The following ERCC8 variants were observed in gnomAD, a reference collection of about 807,000 sequenced individuals.
ERCC8 encodes the protein DNA excision repair protein ERCC-8.
A neutral mutation model predicts 54.9 loss-of-function variants in ERCC8; 52 were observed. The ratio of observed to expected loss-of-function variants is 0.95; its 90% confidence interval spans 0.76 to 1.19. ERCC8 has a LOEUF of 1.19. Ranked by LOEUF, ERCC8 falls within the 50% of genes most tolerant of loss-of-function variation. The probability of loss-of-function intolerance (pLI) is 0.00; values close to 1 mark genes in which losing one functional copy is unlikely to be tolerated. For synonymous variants in ERCC8, 146 were observed against 157.2 expected (o/e 0.93, Z 0.53); for missense variants, 514 against 466.1 (o/e 1.10, Z -0.95).
At chr5:60,906,686 G>C (rs1749082435) in intron 4 of ERCC8, among the ~76,000 whole-genome samples, 1 of 151,828 alleles carries the variant, frequency 6.6e-6, no homozygotes, top group South Asian at 2.1e-4. Flanking sequence ...CTAAGATCAC[G>C]CCACTACACT....
rs369216928 is a variant in ERCC8 at position 60,883,998 on chromosome 5, C to T, written c.1122+3442G>A. 4.6e-5 allele frequency among the ~76,000 whole-genome samples: 7 copies of T among 152,274 alleles called. No individual in the cohort carries two copies. The South Asian group carries it at 1.5e-3, about 32-fold the overall frequency. On this transcript the variant is annotated intron_variant, in intron 11 of 11. Coordinates refer to ENST00000676185, the MANE Select transcript of ERCC8 (RefSeq NM_000082.4). ...CTTCTACTTTGGATATCAGGAGAAA[C>T]ACCCCTAAGGGATTACATCTTGATT...
intron 2 of ERCC8, among the ~76,000 whole-genome samples, chr5:60,922,932 A>T (rs1749641688): frequency 6.6e-6 from 1 of 152,134 alleles, no homozygotes; most frequent in Non-Finnish European, 1.5e-5. Flanking sequence ...AGTTTCCCTG[A>T]TTGCAATATT....
intron 11 of ERCC8, among the ~76,000 whole-genome samples, chr5:60,882,994 CACACACACACAT>C (rs1486882083): frequency 6.6e-6 from 1 of 151,516 alleles, no homozygotes; most frequent in African/African-American, 2.4e-5. Flanking sequence ...CACACACACA[CACACACACACAT>C]GTCTGTAGGT....
intron 11 of ERCC8, among the ~76,000 whole-genome samples, chr5:60,880,828 G>T (rs994694804): frequency 6.6e-6 from 1 of 152,078 alleles, no homozygotes; most frequent in Admixed American, 6.5e-5. Flanking sequence ...CTTTAGCCCG[G>T]AGTAGTTTGA....
rs1338512096 is a variant in ERCC8 at position 60,874,511 on chromosome 5, C to T, written c.*104G>A. On this transcript the variant is annotated 3_prime_UTR_variant, in exon 12 of 12. Transcript: ENST00000676185. ...AAAACATGAGGAAAAATATTACCCACATTTAGGGCTAATTTAGCTGTCAGG... is the reference window on the plus strand; with the variant it reads ...AAAACATGAGGAAAAATATTACCCATATTTAGGGCTAATTTAGCTGTCAGG... 3 of 954,996 alleles carry T rather than the reference C, an allele frequency of 3.1e-6. No individual in the cohort carries two copies. Among genetic ancestry groups the T allele is most frequent in the Non-Finnish European group, 4.9e-6 (3 of 615,458 alleles). 59.2% of individuals were successfully genotyped at this position (954,996 alleles called of 1,614,324 possible).
At chr5:60,895,910 A>G (rs1216256895) in intron 9 of ERCC8, among the ~76,000 whole-genome samples, 1 of 152,358 alleles carries the variant, frequency 6.6e-6, no homozygotes, top group East Asian at 1.9e-4. Context: ...GAACCAGGGC[A>G]TTAACTTTTG....
At chr5:60,893,956 G>A (rs1182212474) in intron 9 of ERCC8, among the ~76,000 whole-genome samples, 1 of 149,264 alleles carries the variant, frequency 6.7e-6, no homozygotes, top group African/African-American at 2.5e-5. Context: ...CTTACCCCTT[G>A]ACCTGGTAAT....
At chr5:60,919,485 C>A (rs1464623776) in intron 3 of ERCC8, 1 of 151,942 alleles carries the variant, frequency 6.6e-6, no homozygotes, top group Non-Finnish European at 1.5e-5. Context: ...GTGGTGCTAT[C>A]TGAAGGAATG....
In ERCC8 at chr5:60,866,920, C is replaced by A. The variant is rs1261795250; in HGVS notation, c.*7695G>T. ...AGTGCAGTGGCGCAATCTCGGCTTACTGCAAGCGCTGCCTCCGGGGTTCAC... is the reference window on the plus strand; with the variant it reads ...AGTGCAGTGGCGCAATCTCGGCTTAATGCAAGCGCTGCCTCCGGGGTTCAC... On this transcript the variant is annotated 3_prime_UTR_variant, in exon 12 of 12. Transcript: ENST00000676185. 2 of 152,130 alleles carry A rather than the reference C, an allele frequency of 1.3e-5. No homozygotes were observed. The highest frequency in any genetic ancestry group is 4.8e-5 in the African/African-American group (2 of 41,424). 9.4% of individuals were successfully genotyped at this position (152,130 alleles called of 1,614,324 possible).
intron 11 of ERCC8, 75 bp downstream of exon 11, chr5:60,887,365 C>T: frequency 8.0e-7 from 1 of 1,248,588 alleles, no homozygotes; most frequent in Non-Finnish European, 1.2e-6. Context: ...TTAAAAGTCT[C>T]TCTCACATAA....
intron 2 of ERCC8, among the ~76,000 whole-genome samples, chr5:60,926,514 A>T (rs1038516719): frequency 6.6e-6 from 1 of 152,232 alleles, no homozygotes; most frequent in Non-Finnish European, 1.5e-5. Flanking sequence ...TAGTTATTTG[A>T]AGGCTCAAAA....
At chr5:60,904,575 AAATATCTGTTGAATATAAATAGTAC>A (rs1340597846) in intron 5 of ERCC8, among the ~76,000 whole-genome samples, 192 bp downstream of exon 5, 3 of 145,238 alleles carry the variant, frequency 2.1e-5, no homozygotes, top group African/African-American at 7.6e-5. Context: ...TTGCCTTGCA[AAATATCTGTTGAATATAAATAGTAC>A]AATATCTGTT....
chr5:60,876,599 G>A lies in ERCC8; in HGVS notation c.1123-1916C>T, dbSNP rs532053883. On this transcript the variant is annotated intron_variant, in intron 11 of 11. Transcript: ENST00000676185. ...AACTGGTGTGAGATGGTATCTCATT[G>A]TGGTTTTGATTTGCATTTCTCTGAT... Among the ~76,000 whole-genome samples the A allele has an allele frequency of 1.5e-3, 236 of 152,310 alleles. 1 individual carries two copies. The highest frequency in any genetic ancestry group is 5.5e-3 in the African/African-American group (229 of 41,570).
intron 9 of ERCC8, chr5:60,892,641 T>C (rs1748598661): frequency 3.0e-6 from 2 of 658,550 alleles, no homozygotes; most frequent in Non-Finnish European, 5.6e-6. Context: ...CTCCTCCAGG[T>C]TGCAGCACTG....
At chr5:60,893,815 T>A in intron 9 of ERCC8, among the ~76,000 whole-genome samples, 1 of 152,268 alleles carries the variant, frequency 6.6e-6, no homozygotes, top group East Asian at 1.9e-4. Flanking sequence ...ATATAAAATT[T>A]ACCATCATAA....
chr5:60,931,391 C>G (rs1749905462), intron 1 of ERCC8, among the ~76,000 whole-genome samples: 1 of 152,140 alleles, frequency 6.6e-6, no homozygotes, highest in African/African-American at 2.4e-5. Flanking sequence ...ACTATAGCCT[C>G]AAACTCCTGG....
Position 60,945,055 on chromosome 5 carries a change from G to A in ERCC8, c.-47C>T. 1 of 1,544,954 alleles carries A rather than the reference G, an allele frequency of 6.5e-7. No homozygotes were observed. The highest frequency in any genetic ancestry group is 9.0e-7 in the Non-Finnish European group (1 of 1,116,988). ...GAGCACTGGACGTCGCCATGACAGA[G>A]CTCAGGGGCGGGACTGGAACAGCAG... is the stretch of plus-strand genomic sequence containing the variant. On this transcript the variant is annotated 5_prime_UTR_variant, in exon 1 of 12. Coordinates refer to ENST00000676185, the MANE Select transcript of ERCC8 (RefSeq NM_000082.4).
chr5:60,908,610 A>C (rs1296175147), intron 4 of ERCC8, among the ~76,000 whole-genome samples: 2 of 149,118 alleles, frequency 1.3e-5, no homozygotes, highest in Non-Finnish European at 3.0e-5. Context: ...TGGCTTTGTC[A>C]AGATACAATT....
intron 2 of ERCC8, among the ~76,000 whole-genome samples, chr5:60,927,363 G>T (rs976551282): frequency 3.3e-5 from 5 of 152,094 alleles, no homozygotes; most frequent in Non-Finnish European, 2.9e-5. Context: ...AATATCTCTT[G>T]TTGCTATCAA....
Sources: gnomAD v4.1 joint callset for allele counts (sites outside exome capture counted in the v4.1 genomes callset) on GRCh38, gnomAD v4.1.1 for gene constraint, MANE v1.5 for transcripts, NCBI Gene and HGNC (gene_info 2026-07-23, HGNC 2026-07-21) for gene names.